The following RASEF variants were observed in gnomAD, a reference collection of about 807,000 sequenced individuals.
RASEF encodes ras and EF-hand domain-containing protein.
RASEF carries 68 observed loss-of-function variants against 90.1 expected under a neutral mutation model. The ratio of observed to expected loss-of-function variants is 0.75; its 90% CI spans 0.62 to 0.92. The LOEUF (loss-of-function observed/expected upper bound fraction) is 0.92. Ranked by LOEUF, RASEF falls within the 40% of genes least tolerant of loss-of-function variation. The pLI, the probability that RASEF is intolerant of heterozygous loss-of-function variation, is 0.00. For missense variants in RASEF, 949 were observed against 937.2 expected (o/e 1.01, Z -0.16); for synonymous variants, 331 against 345.2 (o/e 0.96, Z 0.46).
the RASEF span, among the ~76,000 whole-genome samples, chr9:83,086,553 G>A: frequency 6.6e-6 from 1 of 152,160 alleles, no homozygotes; most frequent in Non-Finnish European, 1.5e-5. Flanking sequence ...CAGCTTAACT[G>A]GGTGTCTCTG....
chr9:83,074,902 A>G, the RASEF span, among the ~76,000 whole-genome samples: 6 of 152,390 alleles, frequency 3.9e-5, no homozygotes, highest in African/African-American at 1.4e-4. Context: ...AAAACAACAT[A>G]GTAATCAACC....
chr9:83,175,460 G>A, the RASEF span, among the ~76,000 whole-genome samples: 3 of 151,992 alleles, frequency 2.0e-5, no homozygotes, highest in African/African-American at 7.2e-5. Flanking sequence ...ATAAACCCTA[G>A]TAGTAGTAGT....
the RASEF span, among the ~76,000 whole-genome samples, chr9:83,198,305 A>G: frequency 6.6e-6 from 1 of 152,178 alleles, no homozygotes. Flanking sequence ...AATTTAGGTA[A>G]AGACTACTCA....
chr9:83,161,395 T>C, the RASEF span, among the ~76,000 whole-genome samples: 1 of 151,000 alleles, frequency 6.6e-6, no homozygotes, highest in Non-Finnish European at 1.5e-5. Flanking sequence ...CCCTGCTGGG[T>C]TTCAGACTTG....
chr9:83,179,610 A>G, the RASEF span, among the ~76,000 whole-genome samples: 1 of 152,236 alleles, frequency 6.6e-6, no homozygotes, highest in African/African-American at 2.4e-5. Context: ...CACATATCCT[A>G]TCGACCACAG....
chr9:83,144,391 G>GGAAGGAAGGAAGGAAAGAAA, the RASEF span, among the ~76,000 whole-genome samples: 1 of 33,220 alleles, frequency 3.0e-5, no homozygotes. Flanking sequence ...AAGAAAGAAA[G>GGAAGGAAGGAAGGAAAGAAA]GAAAGAAAGA....
rs116163883 is a variant in RASEF at position 83,012,437 on chromosome 9, T to G, written c.840A>C (p.Ser280=). ...TAAGTGAAAAGGTAATTCTTACCAT[T>G]GATAAATCATAAATTTGTTTTTTCA... ...AALKKQIYDL[S]MENQKVKKDL... The change falls in exon 5 of 17, where the codon TCA becomes TCC. Residue 280 remains serine (S), a synonymous_variant. Transcript: ENST00000376447. The G allele has an allele frequency of 7.6e-5, 117 of 1,539,762 alleles. 1 individual carries two copies. The African/African-American group carries it at 1.6e-3, about 21-fold the overall frequency.
chr9:83,195,560 C>A, the RASEF span, among the ~76,000 whole-genome samples: 1 of 152,094 alleles, frequency 6.6e-6, no homozygotes, highest in Non-Finnish European at 1.5e-5. Flanking sequence ...CAGGCACTAG[C>A]GATACAGCAG....
At chr9:83,046,938 T>C (rs1829943513) in intron 1 of RASEF, among the ~76,000 whole-genome samples, 1 of 147,310 alleles carries the variant, frequency 6.8e-6, no homozygotes, top group Non-Finnish European at 1.5e-5. Context: ...TTTTGCTTTC[T>C]ATCTAGACAT....
chr9:83,145,308 G>A, the RASEF span, among the ~76,000 whole-genome samples: 1 of 152,092 alleles, frequency 6.6e-6, no homozygotes, highest in East Asian at 1.9e-4. Context: ...AGTCAGATTT[G>A]AGCCCAGATC....
chr9:83,048,371 T>C, intron 1 of RASEF: 2 of 985,406 alleles, frequency 2.0e-6, no homozygotes, highest in Non-Finnish European at 2.4e-6. Context: ...CACTGAGATC[T>C]GGACCCAGGC....
the RASEF span, among the ~76,000 whole-genome samples, chr9:83,173,904 T>TA: frequency 6.6e-6 from 1 of 151,972 alleles, no homozygotes; most frequent in East Asian, 1.9e-4. Flanking sequence ...TCGTTCTTGA[T>TA]ACGGTGTTTA....
the RASEF span, among the ~76,000 whole-genome samples, chr9:83,147,125 A>G: frequency 6.6e-6 from 1 of 151,276 alleles, no homozygotes; most frequent in Non-Finnish European, 1.5e-5. Flanking sequence ...ACATTTTGCA[A>G]TCACATTCTT....
chr9:83,169,951 T>G, the RASEF span, among the ~76,000 whole-genome samples: 2 of 152,076 alleles, frequency 1.3e-5, no homozygotes, highest in African/African-American at 4.8e-5. Context: ...ATTTGTCATT[T>G]TTTTCTTTTG....
chr9:83,151,976 A>G, the RASEF span, among the ~76,000 whole-genome samples: 1 of 152,194 alleles, frequency 6.6e-6, no homozygotes, highest in Admixed American at 6.5e-5. Context: ...CAAGAGGGGA[A>G]GATACTTCAA....
the RASEF span, among the ~76,000 whole-genome samples, chr9:83,194,101 G>T: frequency 6.6e-6 from 1 of 152,076 alleles, no homozygotes; most frequent in Non-Finnish European, 1.5e-5. Context: ...TGGGATATTT[G>T]TCACGACTAA....
At chr9:83,196,096 T>A in the RASEF span, among the ~76,000 whole-genome samples, 3 of 152,140 alleles carry the variant, frequency 2.0e-5, no homozygotes, top group South Asian at 6.2e-4. Flanking sequence ...GGAGTTGGAC[T>A]TCACCAAGAT....
At chr9:82,984,436 A>T (rs1201210917) in intron 16 of RASEF, among the ~76,000 whole-genome samples, 1 of 152,178 alleles carries the variant, frequency 6.6e-6, no homozygotes, top group African/African-American at 2.4e-5. Context: ...CTGCACTGTG[A>T]ATTGGAAAGA....
chr9:83,115,741 A>G, the RASEF span, among the ~76,000 whole-genome samples: 4 of 152,202 alleles, frequency 2.6e-5, 1 homozygote, highest in Non-Finnish European at 4.4e-5. Context: ...CAAACAAACA[A>G]GCAAAAAGTA....
Sources: allele counts gnomAD v4.1 joint callset (sites outside exome capture counted in the v4.1 genomes callset), GRCh38; gene constraint gnomAD v4.1.1; transcripts MANE v1.5; gene names NCBI Gene and HGNC (gene_info 2026-07-23, HGNC 2026-07-21).